The following KIAA0825 variants were observed in gnomAD, a reference collection of about 807,000 sequenced individuals.
KIAA0825 encodes KIAA0825.
In KIAA0825, 119 loss-of-function variants were observed where a neutral mutation model predicts 147.6. The ratio of observed to expected loss-of-function variants is 0.81; its 90% CI spans 0.69 to 0.94. The LOEUF (loss-of-function observed/expected upper bound fraction) is 0.94, where lower values mean the gene tolerates loss of function less well. KIAA0825 is among the 40% of genes least tolerant of loss of function. KIAA0825 has a pLI of 0.00. For missense variants in KIAA0825, 1,381 were observed against 1,472.7 expected, an observed-to-expected ratio of 0.94 and a Z score of 1.02; for synonymous variants, 470 against 518.1, an observed-to-expected ratio of 0.91 and a Z score of 1.26.
intron 5 of KIAA0825, among the ~76,000 whole-genome samples, chr5:94,490,791 G>T (rs552119053): frequency 6.6e-6 from 1 of 152,042 alleles, no homozygotes; most frequent in Non-Finnish European, 1.5e-5. Context: ...ACACTTAAAG[G>T]TGTTAAATGT....
intron 20 of KIAA0825, among the ~76,000 whole-genome samples, chr5:94,239,175 A>T (rs1349593536): frequency 4.6e-5 from 7 of 152,186 alleles, no homozygotes; most frequent in Non-Finnish European, 8.8e-5. Flanking sequence ...TCATTTTGTA[A>T]TACTGACAAT....
intron 20 of KIAA0825, among the ~76,000 whole-genome samples, chr5:94,243,446 A>C (rs1256466938): frequency 1.3e-5 from 2 of 152,154 alleles, no homozygotes. Context: ...AGGCAGTTGA[A>C]AGTTTCTATA....
intron 12 of KIAA0825, among the ~76,000 whole-genome samples, chr5:94,458,774 A>G (rs754011067): frequency 5.1e-4 from 77 of 152,124 alleles, no homozygotes; most frequent in Non-Finnish European, 1.0e-3. Context: ...ATCATTTTAA[A>G]TGTGTTTAAA....
intron 5 of KIAA0825, among the ~76,000 whole-genome samples, chr5:94,507,463 C>G (rs28404931): frequency 1.9e-4 from 29 of 149,460 alleles, no homozygotes; most frequent in Non-Finnish European, 4.1e-4. Flanking sequence ...CCGCCCCCCC[C>G]AAAAAAACCT....
intron 1 of KIAA0825, among the ~76,000 whole-genome samples, chr5:94,600,175 AT>A (rs763617722): frequency 2.0e-5 from 3 of 152,194 alleles, no homozygotes; most frequent in Non-Finnish European, 4.4e-5. Flanking sequence ...TTGGGGAAGT[AT>A]TGCCACTTCA....
At chr5:94,222,921 C>A (rs925346772) in intron 20 of KIAA0825, among the ~76,000 whole-genome samples, 1 of 152,098 alleles carries the variant, frequency 6.6e-6, no homozygotes, top group Admixed American at 6.5e-5. Flanking sequence ...ACATATCCAT[C>A]AACTTGCACA....
intron 20 of KIAA0825, among the ~76,000 whole-genome samples, chr5:94,371,175 C>A (rs950540802): frequency 1.3e-5 from 2 of 151,692 alleles, no homozygotes; most frequent in Admixed American, 6.6e-5. Context: ...TAAAAACATC[C>A]TGATTTAAAA....
chr5:94,205,493 A>T (rs769056380), intron 20 of KIAA0825, among the ~76,000 whole-genome samples: 1 of 151,558 alleles, frequency 6.6e-6, no homozygotes, highest in Non-Finnish European at 1.5e-5. Flanking sequence ...GGGTTTCACC[A>T]TGTTAGCCAG....
chr5:94,188,396 A>C (rs1035602639), intron 20 of KIAA0825, among the ~76,000 whole-genome samples: 1 of 152,216 alleles, frequency 6.6e-6, no homozygotes, highest in Non-Finnish European at 1.5e-5. Context: ...CCATACTGAT[A>C]GCTCTTTAAT....
At chr5:94,307,915 ACT>A (rs1265524209) in intron 20 of KIAA0825, among the ~76,000 whole-genome samples, 1 of 151,624 alleles carries the variant, frequency 6.6e-6, no homozygotes, top group African/African-American at 2.4e-5. Flanking sequence ...CACTCTCAGG[ACT>A]CTGAGGAAAT....
intron 12 of KIAA0825, among the ~76,000 whole-genome samples, chr5:94,458,025 G>C (rs1000738963): frequency 6.6e-6 from 1 of 152,126 alleles, no homozygotes; most frequent in African/African-American, 2.4e-5. Context: ...GAAACTGAAT[G>C]ACTAAGATAG....
At chr5:94,223,399 T>C (rs1773841197) in intron 20 of KIAA0825, among the ~76,000 whole-genome samples, 2 of 152,202 alleles carry the variant, frequency 1.3e-5, no homozygotes, top group South Asian at 2.1e-4. Flanking sequence ...TCACGTAGAC[T>C]ATATACCTTT....
At chr5:94,188,281 T>C (rs1333479361) in intron 20 of KIAA0825, among the ~76,000 whole-genome samples, 2 of 152,234 alleles carry the variant, frequency 1.3e-5, no homozygotes, top group Non-Finnish European at 2.9e-5. Flanking sequence ...TAACATATTT[T>C]ATAAAGTGTT....
chr5:94,359,029 T>C, intron 20 of KIAA0825, among the ~76,000 whole-genome samples: 1 of 152,220 alleles, frequency 6.6e-6, no homozygotes. Flanking sequence ...ATGGAAGGAC[T>C]GATTTTGGCT....
chr5:94,164,266 C>T (rs971129474), intron 20 of KIAA0825, among the ~76,000 whole-genome samples: 3 of 152,016 alleles, frequency 2.0e-5, no homozygotes, highest in Non-Finnish European at 4.4e-5. Context: ...ACAAAAAGAA[C>T]AAAACTGGAG....
intron 3 of KIAA0825, among the ~76,000 whole-genome samples, chr5:94,534,532 G>A (rs528253108): frequency 6.6e-5 from 10 of 152,104 alleles, no homozygotes; most frequent in African/African-American, 2.2e-4. Context: ...CTCTAGGTTC[G>A]TTTTAATATA....
intron 20 of KIAA0825, among the ~76,000 whole-genome samples, chr5:94,360,388 G>C (rs530310771): frequency 6.6e-6 from 1 of 152,274 alleles, no homozygotes; most frequent in East Asian, 1.9e-4. Flanking sequence ...TCTTGAATAG[G>C]GTCTGAGTAA....
intron 20 of KIAA0825, among the ~76,000 whole-genome samples, chr5:94,238,455 C>T (rs1775177737): frequency 6.6e-6 from 1 of 152,086 alleles, no homozygotes; most frequent in African/African-American, 2.4e-5. Flanking sequence ...TAACTTATGA[C>T]TTTGAAAAGT....
chr5:94,501,274 T>C (rs1326806713), intron 5 of KIAA0825, among the ~76,000 whole-genome samples: 1 of 152,212 alleles, frequency 6.6e-6, no homozygotes, highest in Admixed American at 6.5e-5. Flanking sequence ...TATACATATG[T>C]CTGTATATAT....
Sources: gnomAD v4.1 joint callset for allele counts (sites outside exome capture counted in the v4.1 genomes callset) on GRCh38, gnomAD v4.1.1 for gene constraint, MANE v1.5 for transcripts, NCBI Gene and HGNC (gene_info 2026-07-23, HGNC 2026-07-21) for gene names.